Variants in EPHB1 observed in about 807,000 individuals in gnomAD.
EPHB1 encodes ephrin type-B receptor 1.
EPHB1 carries 30 observed loss-of-function variants against 94.4 expected under a neutral mutation model. The ratio of observed to expected loss-of-function variants is 0.32; its 90% confidence interval spans 0.24 to 0.43. The LOEUF is 0.43. Among genes scored for constraint, EPHB1 ranks in the 20% least tolerant of loss-of-function variants. The probability of loss-of-function intolerance (pLI) is 1.00; values close to 1 mark genes in which losing one functional copy is unlikely to be tolerated. For synonymous variants in EPHB1, 522 were observed against 489.1 expected (o/e 1.07, Z -0.89); for missense variants, 1,055 against 1,308.3 (o/e 0.81, Z 2.99).
At chr3:134,892,470 T>C (rs1312477820) in intron 1 of EPHB1, among the ~76,000 whole-genome samples, 1 of 152,214 alleles carries the variant, frequency 6.6e-6, no homozygotes, top group Non-Finnish European at 1.5e-5. Flanking sequence ...AAGAAGAGGT[T>C]CCCAACTCTA....
chr3:135,200,448 C>T (rs1942723639), intron 11 of EPHB1, among the ~76,000 whole-genome samples: 1 of 152,308 alleles, frequency 6.6e-6, no homozygotes, highest in African/African-American at 2.4e-5. Flanking sequence ...CCCTGACCCA[C>T]TGTCCCTATG....
chr3:134,954,688 G>A (rs1342670694), intron 3 of EPHB1, among the ~76,000 whole-genome samples: 3 of 152,146 alleles, frequency 2.0e-5, no homozygotes, highest in Admixed American at 2.0e-4. Flanking sequence ...GACTTTGTAG[G>A]GTGGCAGAAA....
intron 3 of EPHB1, among the ~76,000 whole-genome samples, chr3:134,971,122 A>G (rs1444522391): frequency 6.6e-6 from 1 of 152,204 alleles, no homozygotes; most frequent in Non-Finnish European, 1.5e-5. Context: ...GGAAGCTTTC[A>G]ACTGACTAAC....
intron 5 of EPHB1, among the ~76,000 whole-genome samples, chr3:135,142,432 G>T (rs922896928): frequency 6.6e-6 from 1 of 152,188 alleles, no homozygotes; most frequent in Non-Finnish European, 1.5e-5. Flanking sequence ...ACAGTCATAT[G>T]CTCTGAAAAG....
At position 135,162,192 on chromosome 3, in the gene EPHB1, G is replaced by C; in HGVS notation, c.1585+12G>C. 1 of 1,586,974 alleles carries C rather than the reference G, an allele frequency of 6.3e-7. No homozygotes were observed. Among genetic ancestry groups the C allele is most frequent in the Non-Finnish European group, 8.6e-7 (1 of 1,163,140 alleles). Reference sequence around the variant, plus strand: ...GACTCTGACTGACGGTAAGGGTCGGGGAGGGCAGTGGCATAATCACAGGGC... The same window carrying C: ...GACTCTGACTGACGGTAAGGGTCGGCGAGGGCAGTGGCATAATCACAGGGC... On this transcript the variant is annotated intron_variant, in intron 7 of 15. Coordinates refer to ENST00000398015, the MANE Select transcript of EPHB1 (RefSeq NM_004441.5).
intron 3 of EPHB1, among the ~76,000 whole-genome samples, chr3:135,047,294 A>G (rs1217422990): frequency 6.6e-6 from 1 of 152,210 alleles, no homozygotes; most frequent in African/African-American, 2.4e-5. Context: ...AGCTGGGGAA[A>G]CAGAAGGTGA....
At chr3:135,216,361 C>T (rs574753144) in intron 12 of EPHB1, among the ~76,000 whole-genome samples, 1 of 152,190 alleles carries the variant, frequency 6.6e-6, no homozygotes, top group Admixed American at 6.5e-5. Context: ...AAGCAAAAAC[C>T]TATCAAATCA....
intron 12 of EPHB1, among the ~76,000 whole-genome samples, chr3:135,220,591 G>C (rs918683047): frequency 6.1e-5 from 9 of 146,918 alleles, no homozygotes; most frequent in Admixed American, 2.0e-4. Context: ...CTTTGTTGGA[G>C]GCCTTTTTTT....
intron 1 of EPHB1, among the ~76,000 whole-genome samples, chr3:134,864,511 G>A (rs1261674530): frequency 6.7e-6 from 1 of 148,828 alleles, no homozygotes; most frequent in East Asian, 1.9e-4. Context: ...GTTTTGCCCT[G>A]TCTCCCTCCC....
chr3:134,857,206 T>G (rs186370520), intron 1 of EPHB1, among the ~76,000 whole-genome samples: 1 of 152,298 alleles, frequency 6.6e-6, no homozygotes, highest in East Asian at 1.9e-4. Context: ...ACAGCCAGCA[T>G]GCACCTTGGA....
chr3:135,048,611 G>C (rs1252168715), intron 3 of EPHB1, among the ~76,000 whole-genome samples: 1 of 152,144 alleles, frequency 6.6e-6, no homozygotes, highest in Non-Finnish European at 1.5e-5. Context: ...AATTAGATTT[G>C]AAGCAGATGT....
At chr3:134,799,644 G>C (rs1363416216) in intron 1 of EPHB1, among the ~76,000 whole-genome samples, 1 of 152,198 alleles carries the variant, frequency 6.6e-6, no homozygotes, top group East Asian at 1.9e-4. Flanking sequence ...CCAGCAGCTT[G>C]TGATGCTCCC....
intron 1 of EPHB1, among the ~76,000 whole-genome samples, chr3:134,883,745 C>T (rs2037807785): frequency 6.6e-6 from 1 of 152,190 alleles, no homozygotes; most frequent in Admixed American, 6.5e-5. Context: ...ATTAGACCTT[C>T]CTGAGTAACC....
At chr3:135,195,808 T>A (rs1441413093) in intron 11 of EPHB1, among the ~76,000 whole-genome samples, 3 of 125,884 alleles carry the variant, frequency 2.4e-5, no homozygotes, top group Admixed American at 7.9e-5. Context: ...TGTGCGTGTG[T>A]CTTTATAGCA....
intron 10 of EPHB1, among the ~76,000 whole-genome samples, chr3:135,191,428 A>G (rs1942453610): frequency 1.3e-5 from 2 of 152,188 alleles, no homozygotes; most frequent in Non-Finnish European, 2.9e-5. Flanking sequence ...CTAATATGGC[A>G]AGTAATTTAT....
rs542688942 is a variant in EPHB1 at position 134,892,880 on chromosome 3, G to C, written c.59-32936G>C. Among the ~76,000 whole-genome samples, 3 of 151,508 alleles carry C rather than the reference G, an allele frequency of 2.0e-5. No homozygotes were observed. The East Asian group carries it at 5.8e-4, about 29-fold the overall frequency. ...TCTTTGATTTACGGGGCCTCTTCTC[G>C]GCAGAATTATAATAAATGGATTGCT... On this transcript the variant is annotated intron_variant, in intron 1 of 15. Transcript: ENST00000398015.
intron 3 of EPHB1, among the ~76,000 whole-genome samples, chr3:134,997,046 ACTTT>A (rs1264406008): frequency 2.6e-5 from 4 of 152,152 alleles, no homozygotes; most frequent in African/African-American, 9.7e-5. Context: ...TTATCATACT[ACTTT>A]TATGGCACAA....
chr3:135,099,387 G>C (rs1576383173), intron 3 of EPHB1, among the ~76,000 whole-genome samples: 2 of 152,148 alleles, frequency 1.3e-5, no homozygotes, highest in African/African-American at 4.8e-5. Context: ...ATGGGTGCTT[G>C]GGAAATATTT....
At chr3:134,841,737 C>A (rs1209103267) in intron 1 of EPHB1, among the ~76,000 whole-genome samples, 1 of 152,184 alleles carries the variant, frequency 6.6e-6, no homozygotes, top group South Asian at 2.1e-4. Context: ...TCCTCAGTTT[C>A]CCTCCCTGTA....
Sources: allele counts gnomAD v4.1 joint callset (sites outside exome capture counted in the v4.1 genomes callset), GRCh38; gene constraint gnomAD v4.1.1; transcripts MANE v1.5; gene names NCBI Gene and HGNC (gene_info 2026-07-23, HGNC 2026-07-21).